Variants in COL13A1 observed in about 807,000 individuals in gnomAD.
COL13A1 encodes collagen alpha-1(XIII) chain.
Under a neutral mutation model 130.9 loss-of-function variants are expected in COL13A1, and 89 were observed. The ratio of observed to expected loss-of-function variants is 0.68; its 90% CI spans 0.57 to 0.81. COL13A1 has a LOEUF of 0.81. Among genes scored for constraint, COL13A1 ranks in the 30% least tolerant of loss-of-function variants. The probability of loss-of-function intolerance (pLI) is 0.00; values close to 1 mark genes in which losing one functional copy is unlikely to be tolerated. For synonymous variants in COL13A1, 402 were observed against 341.6 expected, an observed-to-expected ratio of 1.18 and a Z score of -1.95; for missense variants, 879 against 934.6, an observed-to-expected ratio of 0.94 and a Z score of 0.78.
At chr10:69,939,248 C>T (rs2067316729) in intron 34 of COL13A1, among the ~76,000 whole-genome samples, 2 of 152,154 alleles carry the variant, frequency 1.3e-5, no homozygotes, top group African/African-American at 4.8e-5. Context: ...GGGAACCGTC[C>T]CTTCTCAGCT....
At chr10:69,942,154 G>A (rs370174347) in intron 35 of COL13A1, among the ~76,000 whole-genome samples, 97 of 152,308 alleles carry the variant, frequency 6.4e-4, no homozygotes, top group African/African-American at 2.2e-3. Flanking sequence ...AGGTAGGAGG[G>A]TCAAGATAGA....
chr10:69,860,666 T>C (rs1172924115), intron 2 of COL13A1: 5 of 129,164 alleles, frequency 3.9e-5, no homozygotes, highest in South Asian at 7.4e-5. Context: ...TCACCCTCCA[T>C]CCCCCTGGGC....
In COL13A1 at chr10:69,957,047, G is replaced by A. The variant is rs749167119; in HGVS notation, c.2184+5G>A. 2 of 1,613,086 alleles carry A rather than the reference G, an allele frequency of 1.2e-6. No homozygotes were observed. On this transcript the variant is annotated splice_donor_5th_base_variant and intron_variant, in intron 40 of 40. Coordinates refer to ENST00000645393, the MANE Select transcript of COL13A1 (RefSeq NM_001368882.1). The stretch of plus-strand genomic sequence containing the variant: ...GTCCAAGGCTGCTGGAACAAGGTAA[G>A]GCTTCCCATTGGTGTGCACTGGGGC...
chr10:69,810,347 TGAGAGAGAGAGAGAGA>T (rs55816117), intron 1 of COL13A1, among the ~76,000 whole-genome samples: 1 of 119,832 alleles, frequency 8.3e-6, no homozygotes, highest in African/African-American at 3.1e-5. Flanking sequence ...GCCCTGAGAA[TGAGAGAGAGAGAGAGA>T]GAGAGAGAGA....
intron 31 of COL13A1, 127 bp downstream of exon 31, chr10:69,932,731 T>C (rs1476620534): frequency 3.9e-5 from 26 of 662,036 alleles, no homozygotes; most frequent in Non-Finnish European, 4.4e-5. Flanking sequence ...CCACCATAGG[T>C]CAGGCACTGA....
intron 1 of COL13A1, among the ~76,000 whole-genome samples, chr10:69,812,953 C>T (rs1183874196): frequency 6.6e-6 from 1 of 152,232 alleles, no homozygotes; most frequent in Non-Finnish European, 1.5e-5. Flanking sequence ...CTCTCAGCTC[C>T]TTGCCCCTTT....
chr10:69,862,713 C>G (rs1589140355), intron 2 of COL13A1, among the ~76,000 whole-genome samples: 2 of 152,312 alleles, frequency 1.3e-5, no homozygotes, highest in South Asian at 4.1e-4. Flanking sequence ...TCCCGGGAGG[C>G]AGGCAGACCT....
intron 7 of COL13A1, 130 bp downstream of exon 7, chr10:69,880,683 G>A (rs1241941417): frequency 4.2e-6 from 4 of 943,898 alleles, no homozygotes; most frequent in Non-Finnish European, 6.5e-6. Flanking sequence ...CGCATGTGAT[G>A]TGGTCAGCCC....
chr10:69,880,494 T>C lies in COL13A1; in HGVS notation c.463-9T>C. 1 of 1,590,328 alleles carries C rather than the reference T, an allele frequency of 6.3e-7. No individual in the cohort carries two copies. Among genetic ancestry groups the C allele is most frequent in the Non-Finnish European group, 8.6e-7 (1 of 1,158,796 alleles). On this transcript the variant is annotated splice_polypyrimidine_tract_variant and intron_variant, in intron 6 of 40. Transcript: ENST00000645393. ...CTCGCTCCCTCTCCCCCTTCCTCTC[T>C]CCCCGCAGGGGTCCCCCGGAGACGC...
At chr10:69,899,848 C>T (rs907912696) in intron 14 of COL13A1, among the ~76,000 whole-genome samples, 1 of 152,190 alleles carries the variant, frequency 6.6e-6, no homozygotes, top group Non-Finnish European at 1.5e-5. Flanking sequence ...GGGCTCTGAG[C>T]TGCTTTCTAC....
Position 69,894,547 on chromosome 10 carries a change from C to T in COL13A1, c.604-5C>T. The stretch of plus-strand genomic sequence containing the variant: ...CACTGACCTGTGTGTGTTTGCTTCC[C>T]ACAGGGTCTGACGGGTCCCCCAGGA... On this transcript the variant is annotated splice_polypyrimidine_tract_variant and splice_region_variant and intron_variant, in intron 10 of 40. Transcript: ENST00000645393. 6.2e-7 allele frequency: 1 copy of T among 1,613,922 alleles called. No individual in the cohort carries two copies. The highest frequency in any genetic ancestry group is 8.5e-7 in the Non-Finnish European group (1 of 1,179,878).
At chr10:69,929,508 C>G (rs75136457) in intron 28 of COL13A1, among the ~76,000 whole-genome samples, 1,820 of 152,258 alleles carry the variant, frequency 0.012, 32 homozygotes, top group South Asian at 0.069. Context: ...CCACCTCCTC[C>G]TTGAAGCCTC....
chr10:69,860,594 C>A, intron 2 of COL13A1: 1 of 160,142 alleles, frequency 6.2e-6, no homozygotes, highest in Non-Finnish European at 1.4e-5. Flanking sequence ...GGGGGAGGGG[C>A]ACGGGGGTGG....
chr10:69,867,978 T>G (rs1037079290), intron 3 of COL13A1, among the ~76,000 whole-genome samples, 173 bp downstream of exon 3: 2 of 152,174 alleles, frequency 1.3e-5, no homozygotes, highest in African/African-American at 4.8e-5. Flanking sequence ...GCTACCATTT[T>G]GCTTTTCACC....
intron 1 of COL13A1, among the ~76,000 whole-genome samples, chr10:69,813,204 C>T (rs537201040): frequency 9.9e-5 from 15 of 152,282 alleles, no homozygotes; most frequent in East Asian, 1.9e-4. Flanking sequence ...GGGGCCCCTG[C>T]CTTATCCTGC....
chr10:69,876,954 T>C (rs1238791228), intron 5 of COL13A1, among the ~76,000 whole-genome samples: 1 of 152,154 alleles, frequency 6.6e-6, no homozygotes, highest in African/African-American at 2.4e-5. Flanking sequence ...CTGTCCTCCT[T>C]CTTGGGCCCT....
intron 2 of COL13A1, among the ~76,000 whole-genome samples, chr10:69,835,047 T>C (rs2133059112): frequency 6.6e-6 from 1 of 152,298 alleles, no homozygotes; most frequent in Non-Finnish European, 1.5e-5. Context: ...GGAGACTTTC[T>C]GCCCCAGGAC....
chr10:69,939,134 C>CT (rs2067302740), intron 34 of COL13A1, among the ~76,000 whole-genome samples: 1 of 151,932 alleles, frequency 6.6e-6, no homozygotes, highest in African/African-American at 2.4e-5. Context: ...TTTAAGTAAA[C>CT]AACAGAACAA....
At chr10:69,947,472 T>C (rs1486793414) in intron 38 of COL13A1, 130 bp downstream of exon 38, 19 of 872,144 alleles carry the variant, frequency 2.2e-5, no homozygotes, top group Non-Finnish European at 3.1e-5. Context: ...ATTGAAAGGC[T>C]TTACAAGGAG....
Sources: allele counts gnomAD v4.1 joint callset (sites outside exome capture counted in the v4.1 genomes callset), GRCh38; gene constraint gnomAD v4.1.1; transcripts MANE v1.5; gene names NCBI Gene and HGNC (gene_info 2026-07-23, HGNC 2026-07-21).